The following CDH12 variants were observed in gnomAD, a reference collection of about 807,000 sequenced individuals.
CDH12 encodes cadherin 12.
Under a neutral mutation model 74.1 loss-of-function variants are expected in CDH12, and 41 were observed. The observed-to-expected ratio is 0.55, with a 90% CI of 0.43 to 0.72. The LOEUF (loss-of-function observed/expected upper bound fraction) is 0.72. Ranked by LOEUF, CDH12 falls within the 30% of genes least tolerant of loss-of-function variation. The probability of loss-of-function intolerance (pLI) is 0.00; values close to 1 mark genes in which losing one functional copy is unlikely to be tolerated. For missense variants in CDH12, 945 were observed against 977.2 expected, an observed-to-expected ratio of 0.97 and a Z score of 0.44; for synonymous variants, 399 against 355.0, an observed-to-expected ratio of 1.12 and a Z score of -1.39.
intron 2 of CDH12, among the ~76,000 whole-genome samples, chr5:22,410,155 C>T (rs1485298501): frequency 6.6e-6 from 1 of 152,024 alleles, no homozygotes; most frequent in Non-Finnish European, 1.5e-5. Flanking sequence ...AAAAGTTTAT[C>T]TCTGACCTTC....
intron 1 of CDH12, among the ~76,000 whole-genome samples, chr5:22,514,916 T>C (rs1161862814): frequency 2.0e-5 from 3 of 152,134 alleles, no homozygotes; most frequent in Middle Eastern, 3.2e-3. Flanking sequence ...TGTGATTATG[T>C]TTTACTTTAA....
intron 3 of CDH12, among the ~76,000 whole-genome samples, chr5:22,269,824 TA>T (rs1311917440): frequency 6.6e-6 from 1 of 152,178 alleles, no homozygotes; most frequent in Middle Eastern, 3.2e-3. Flanking sequence ...GAAAATAGTT[TA>T]AAAATACAGA....
At chr5:22,589,448 G>T (rs768247962) in intron 1 of CDH12, among the ~76,000 whole-genome samples, 1 of 152,140 alleles carries the variant, frequency 6.6e-6, no homozygotes. Context: ...AACCTGTCAC[G>T]TTGTTCTCTA....
At chr5:22,161,328 C>A (rs1748332702) in intron 4 of CDH12, among the ~76,000 whole-genome samples, 1 of 151,988 alleles carries the variant, frequency 6.6e-6, no homozygotes, top group South Asian at 2.1e-4. Context: ...AAAAAATGAG[C>A]TAACTCTGGA....
intron 2 of CDH12, among the ~76,000 whole-genome samples, chr5:22,445,677 G>C (rs114766750): frequency 1.4e-4 from 21 of 152,202 alleles, no homozygotes; most frequent in African/African-American, 4.6e-4. Flanking sequence ...GAGGACTAAA[G>C]CTGGAGGAGA....
intron 6 of CDH12, among the ~76,000 whole-genome samples, chr5:21,877,790 T>C (rs1752017758): frequency 6.6e-6 from 1 of 152,220 alleles, no homozygotes; most frequent in Non-Finnish European, 1.5e-5. Flanking sequence ...CCTCAAGCCA[T>C]GCTAAGTCTA....
intron 1 of CDH12, among the ~76,000 whole-genome samples, chr5:22,513,248 A>G (rs1736682808): frequency 6.6e-6 from 1 of 152,140 alleles, no homozygotes; most frequent in South Asian, 2.1e-4. Context: ...ACCACCAACA[A>G]CAAACAAACT....
intron 5 of CDH12, among the ~76,000 whole-genome samples, chr5:22,048,845 A>G (rs964823443): frequency 6.6e-6 from 1 of 152,176 alleles, no homozygotes; most frequent in Non-Finnish European, 1.5e-5. Context: ...TCTACAAATA[A>G]TAATAAGGAC....
At chr5:22,039,302 C>A (rs754543868) in intron 5 of CDH12, among the ~76,000 whole-genome samples, 1 of 152,010 alleles carries the variant, frequency 6.6e-6, no homozygotes, top group Non-Finnish European at 1.5e-5. Flanking sequence ...TACCCAGGGG[C>A]AAAGTCAAAA....
At chr5:22,212,022 G>A (rs1751573589) in intron 4 of CDH12, among the ~76,000 whole-genome samples, 2 of 150,392 alleles carry the variant, frequency 1.3e-5, no homozygotes, top group Admixed American at 6.6e-5. Flanking sequence ...AAATATTCAG[G>A]GATTTAGTCC....
At chr5:22,630,924 C>G (rs1018918876) in intron 1 of CDH12, among the ~76,000 whole-genome samples, 1 of 152,062 alleles carries the variant, frequency 6.6e-6, no homozygotes, top group African/African-American at 2.4e-5. Context: ...CTATAAGGAA[C>G]TTAAACAAAT....
intron 1 of CDH12, among the ~76,000 whole-genome samples, chr5:22,775,718 T>C (rs1470220721): frequency 2.6e-5 from 4 of 152,138 alleles, no homozygotes; most frequent in Non-Finnish European, 4.4e-5. Context: ...TTACATGTAC[T>C]ATGAATTACA....
At chr5:22,381,178 T>C (rs1404717276) in intron 3 of CDH12, among the ~76,000 whole-genome samples, 2 of 152,050 alleles carry the variant, frequency 1.3e-5, no homozygotes, top group African/African-American at 2.4e-5. Flanking sequence ...TTATATATGC[T>C]CATCAAACTT....
intron 4 of CDH12, among the ~76,000 whole-genome samples, chr5:22,106,877 T>C (rs565566462): frequency 6.6e-6 from 1 of 152,294 alleles, no homozygotes; most frequent in East Asian, 1.9e-4. Flanking sequence ...TAATATTGAG[T>C]TATATGCATC....
chr5:22,356,077 G>A (rs1334764338), intron 3 of CDH12, among the ~76,000 whole-genome samples: 1 of 152,106 alleles, frequency 6.6e-6, no homozygotes, highest in Non-Finnish European at 1.5e-5. Flanking sequence ...GACGAACTTT[G>A]TCAGCATGAT....
Position 21,760,648 on chromosome 5 carries a change from G to C in CDH12, c.1543C>G (p.Arg515Gly). 1.2e-6 allele frequency: 2 copies of C among 1,608,800 alleles called. No homozygotes were observed. The highest frequency in any genetic ancestry group is 1.1e-5 in the South Asian group (1 of 90,872). The change falls in exon 13 of 15, where the codon CGA becomes GGA. Residue 515 changes from arginine to glycine, a missense_variant. Arg to Gly is a moderately radical substitution (Grantham distance 125, BLOSUM62 -2). Transcript: ENST00000382254. Reference sequence around the variant, plus strand: ...TGTTGCCCAGCAGGTGAAAGATCTCGGTCTGCAGCACTGACTATCTGAATT... The same window carrying C: ...TGTTGCCCAGCAGGTGAAAGATCTCCGTCTGCAGCACTGACTATCTGAATT... The part of the protein sequence containing the change: ...QIIQIVSAAD[R>G]DLSPAGQQFS...
At chr5:22,051,273 T>C (rs1416729157) in intron 5 of CDH12, among the ~76,000 whole-genome samples, 1 of 152,132 alleles carries the variant, frequency 6.6e-6, no homozygotes, top group African/African-American at 2.4e-5. Flanking sequence ...CACTTAATAA[T>C]TAAGAGATGT....
At chr5:22,683,422 T>C (rs73742171) in intron 1 of CDH12, among the ~76,000 whole-genome samples, 2,096 of 152,238 alleles carry the variant, frequency 0.014, 42 homozygotes, top group African/African-American at 0.048. Flanking sequence ...ACATGTAATC[T>C]AGTAGGTAAG....
chr5:22,038,902 G>C (rs1050775547), intron 5 of CDH12, among the ~76,000 whole-genome samples: 1 of 152,146 alleles, frequency 6.6e-6, no homozygotes, highest in Non-Finnish European at 1.5e-5. Context: ...GCCAAATGGT[G>C]CTAGTACTCT....
Sources: allele counts gnomAD v4.1 joint callset (sites outside exome capture counted in the v4.1 genomes callset), GRCh38; gene constraint gnomAD v4.1.1; transcripts MANE v1.5; gene names NCBI Gene and HGNC (gene_info 2026-07-23, HGNC 2026-07-21).